PTPRD: variants seen among roughly 807,000 people sequenced by gnomAD.
The protein encoded by PTPRD is receptor-type tyrosine-protein phosphatase delta.
In PTPRD, 34 loss-of-function variants were observed where a neutral mutation model predicts 214.5. That is an observed-to-expected ratio of 0.16 (90% CI 0.12 to 0.21). The LOEUF (loss-of-function observed/expected upper bound fraction) is 0.21, where lower values mean the gene tolerates loss of function less well. PTPRD is among the 10% of genes least tolerant of loss of function. The probability of loss-of-function intolerance (pLI) is 1.00; values close to 1 mark genes in which losing one functional copy is unlikely to be tolerated. For synonymous variants in PTPRD, 1,128 were observed against 845.7 expected, an observed-to-expected ratio of 1.33 and a Z score of -5.79; for missense variants, 2,545 against 2,398.7, an observed-to-expected ratio of 1.06 and a Z score of -1.27.
At chr9:8,713,208 A>T (rs904365841) in intron 12 of PTPRD, 46 of 580,480 alleles carry the variant, frequency 7.9e-5, no homozygotes, top group Non-Finnish European at 1.3e-4. Context: ...ATTTGATCTG[A>T]AATTTGGTAT....
At chr9:8,486,872 A>G (rs1356547069) in intron 27 of PTPRD, among the ~76,000 whole-genome samples, 1 of 152,182 alleles carries the variant, frequency 6.6e-6, no homozygotes, top group East Asian at 1.9e-4. Flanking sequence ...AATGAGGCCC[A>G]GAGAGGTAGA....
At chr9:9,612,062 T>A (rs1184077028) in intron 7 of PTPRD, among the ~76,000 whole-genome samples, 3 of 152,138 alleles carry the variant, frequency 2.0e-5, no homozygotes, top group Non-Finnish European at 4.4e-5. Context: ...ACATAATTTA[T>A]CTGCTATTTT....
At chr9:9,459,009 T>C (rs1333107) in intron 8 of PTPRD, among the ~76,000 whole-genome samples, 74,947 of 151,812 alleles carry the variant, frequency 0.49, 18,867 homozygotes, top group East Asian at 0.68. Context: ...TGAATGGTCA[T>C]GCTTTAAATG....
chr9:9,209,194 T>C (rs1172366902), intron 9 of PTPRD, among the ~76,000 whole-genome samples: 1 of 152,166 alleles, frequency 6.6e-6, no homozygotes, highest in Non-Finnish European at 1.5e-5. Context: ...AAGCCTCTAT[T>C]CCTAATTAGC....
At chr9:10,572,833 A>C (rs1591235945) in intron 2 of PTPRD, among the ~76,000 whole-genome samples, 1 of 152,096 alleles carries the variant, frequency 6.6e-6, no homozygotes, top group Non-Finnish European at 1.5e-5. Context: ...AGAATGAAAC[A>C]GTGTCCATCC....
intron 11 of PTPRD, among the ~76,000 whole-genome samples, chr9:8,758,831 G>A (rs749799377): frequency 4.6e-5 from 7 of 151,306 alleles, no homozygotes; most frequent in African/African-American, 7.3e-5. Flanking sequence ...GATGACAGGC[G>A]TGTGCCACCA....
intron 14 of PTPRD, among the ~76,000 whole-genome samples, chr9:8,626,847 T>A (rs1472636145): frequency 2.0e-5 from 3 of 151,714 alleles, no homozygotes; most frequent in African/African-American, 7.3e-5. Context: ...TTGGCAGATC[T>A]TGAAACTTCT....
intron 39 of PTPRD, among the ~76,000 whole-genome samples, chr9:8,373,840 GTATGTA>G (rs1401542002): frequency 3.1e-4 from 34 of 109,902 alleles, no homozygotes; most frequent in African/African-American, 1.4e-3. Context: ...ATGTATGTAT[GTATGTA>G]TGTGTATGTG....
chr9:8,481,123 G>C (rs1003611364), intron 30 of PTPRD, among the ~76,000 whole-genome samples: 17 of 108,766 alleles, frequency 1.6e-4, no homozygotes, highest in Non-Finnish European at 8.4e-5. Flanking sequence ...CTGGGCAACA[G>C]AGTTAGACTC....
rs138767567 is a variant in PTPRD, at chr9:8,782,209, G to T, written c.-103-48263C>A. Among the ~76,000 whole-genome samples the T allele has an allele frequency of 4.5e-4, 68 of 151,794 alleles. 1 individual carries two copies. In the East Asian group the frequency reaches 0.01, roughly 23 times the overall value. The stretch of plus-strand genomic sequence containing the variant: ...ATGTGTACATATACAAAATATACAT[G>T]TATATATTGTGGAATGGATCAAGCT... On this transcript the variant is annotated intron_variant, in intron 11 of 45. Transcript: ENST00000381196.
chr9:10,014,741 C>A (rs1006216730), intron 4 of PTPRD, among the ~76,000 whole-genome samples: 6 of 151,904 alleles, frequency 3.9e-5, no homozygotes, highest in African/African-American at 1.4e-4. Flanking sequence ...TTTTAATTAT[C>A]CATTAAAATT....
In PTPRD at chr9:8,633,371, C is replaced by A. The variant is rs200499691; in HGVS notation, c.298G>T (p.Ala100Ser). 1 of 1,612,872 alleles carries A rather than the reference C, an allele frequency of 6.2e-7. No individual in the cohort carries two copies. Among genetic ancestry groups the A allele is most frequent in the African/African-American group, 1.3e-5 (1 of 74,952 alleles). Reference protein sequence around the residue: ...PRDEAIYECVASNNVGEISVS... With the variant: ...PRDEAIYECVSSNNVGEISVS... ...CTTATTTCTCCCACATTATTTGAGG[C>A]CACACATTCATAAATGGCCTCATCC... The change falls in exon 14 of 46, where the codon GCC becomes TCC. Residue 100 changes from alanine (A) to serine (S), a missense_variant. Coordinates refer to ENST00000381196, the MANE Select transcript of PTPRD (RefSeq NM_002839.4).
At chr9:10,363,997 T>TGTTGC in intron 2 of PTPRD, among the ~76,000 whole-genome samples, 1 of 31,260 alleles carries the variant, frequency 3.2e-5, no homozygotes, top group Non-Finnish European at 1.8e-4. Context: ...TCGGGTTTTT[T>TGTTGC]TTTTTTTTTT....
intron 10 of PTPRD, among the ~76,000 whole-genome samples, chr9:9,055,914 T>C (rs1286210667): frequency 6.6e-6 from 1 of 151,890 alleles, no homozygotes; most frequent in Non-Finnish European, 1.5e-5. Context: ...TCTCAATGAG[T>C]TCTCATCAGC....
intron 2 of PTPRD, among the ~76,000 whole-genome samples, chr9:10,550,671 G>A (rs552309368): frequency 1.3e-5 from 2 of 152,326 alleles, no homozygotes; most frequent in Admixed American, 6.5e-5. Context: ...GGAGCTGAGA[G>A]AGTGTGTTTT....
intron 11 of PTPRD, among the ~76,000 whole-genome samples, chr9:8,744,629 G>C (rs758439612): frequency 2.0e-5 from 3 of 152,138 alleles, no homozygotes; most frequent in Non-Finnish European, 2.9e-5. Context: ...TGATATAATG[G>C]ACTTTGGGGA....
chr9:8,626,549 C>T (rs1283188651), intron 14 of PTPRD, among the ~76,000 whole-genome samples: 1 of 151,794 alleles, frequency 6.6e-6, no homozygotes, highest in Non-Finnish European at 1.5e-5. Context: ...TTGAGCATTA[C>T]TGTCAGGGTG....
chr9:9,591,647 A>AT (rs772245314), intron 7 of PTPRD, among the ~76,000 whole-genome samples: 2 of 152,118 alleles, frequency 1.3e-5, no homozygotes, highest in East Asian at 3.9e-4. Flanking sequence ...TTAGCTATGT[A>AT]TTTTTCTGGC....
intron 11 of PTPRD, among the ~76,000 whole-genome samples, chr9:8,788,361 C>T (rs71507661): frequency 0.014 from 2,033 of 149,366 alleles, 20 homozygotes; most frequent in Non-Finnish European, 0.021. Context: ...CCACAACCTC[C>T]GCCTCTCAGG....
Sources: gnomAD v4.1 joint callset for allele counts (sites outside exome capture counted in the v4.1 genomes callset) on GRCh38, gnomAD v4.1.1 for gene constraint, MANE v1.5 for transcripts, NCBI Gene and HGNC (gene_info 2026-07-23, HGNC 2026-07-21) for gene names.